The following RGS6 variants were observed in gnomAD, a reference collection of about 807,000 sequenced individuals.
The protein encoded by RGS6 is regulator of G-protein signaling 6.
RGS6 carries 30 observed loss-of-function variants against 78.5 expected under a neutral mutation model. That is an observed-to-expected ratio of 0.38 (90% CI 0.29 to 0.52). The LOEUF (loss-of-function observed/expected upper bound fraction) is 0.52. RGS6 is among the 20% of genes least tolerant of loss of function. The probability of loss-of-function intolerance (pLI) is 0.85; values close to 1 mark genes in which losing one functional copy is unlikely to be tolerated. For synonymous variants in RGS6, 206 were observed against 206.0 expected (o/e 1.00, Z 0.00); for missense variants, 495 against 609.7 (o/e 0.81, Z 1.98).
chr14:72,009,661 C>A (rs775515295), intron 2 of RGS6, among the ~76,000 whole-genome samples: 1 of 152,172 alleles, frequency 6.6e-6, no homozygotes. Context: ...ACCCAGAGCT[C>A]CTGAGCTAGG....
chr14:72,588,011 C>T, the RGS6 span, among the ~76,000 whole-genome samples: 1 of 152,194 alleles, frequency 6.6e-6, no homozygotes, highest in African/African-American at 2.4e-5. Context: ...CTAGCTAGAG[C>T]AGTGGCTGCA....
intron 2 of RGS6, among the ~76,000 whole-genome samples, chr14:72,013,459 A>G (rs2086285075): frequency 6.6e-6 from 1 of 151,994 alleles, no homozygotes; most frequent in African/African-American, 2.4e-5. Flanking sequence ...TGCAAATTTA[A>G]AAGGTAAATA....
intron 2 of RGS6, among the ~76,000 whole-genome samples, chr14:72,263,493 C>A (rs775017728): frequency 9.9e-5 from 14 of 141,968 alleles, no homozygotes; most frequent in Non-Finnish European, 1.4e-4. Flanking sequence ...TTATGCATAC[C>A]TATTGTTGTG....
At chr14:72,104,267 C>CT (rs2095587422) in intron 2 of RGS6, among the ~76,000 whole-genome samples, 2 of 152,202 alleles carry the variant, frequency 1.3e-5, no homozygotes, top group East Asian at 3.8e-4. Flanking sequence ...CCTTTCCTCT[C>CT]TGTCAAAACG....
chr14:72,438,029 T>A (rs992490582), intron 3 of RGS6, among the ~76,000 whole-genome samples: 2 of 149,522 alleles, frequency 1.3e-5, no homozygotes, highest in Non-Finnish European at 3.0e-5. Flanking sequence ...CGGTGTAGAT[T>A]TTTTTGTGAA....
intron 2 of RGS6, among the ~76,000 whole-genome samples, chr14:72,128,534 T>A (rs1393639461): frequency 6.6e-6 from 1 of 151,786 alleles, no homozygotes; most frequent in East Asian, 1.9e-4. Flanking sequence ...TGATAGCATT[T>A]GATTGTGTTG....
chr14:72,518,957 A>T (rs1260267804), intron 15 of RGS6, among the ~76,000 whole-genome samples: 1 of 152,242 alleles, frequency 6.6e-6, no homozygotes, highest in Non-Finnish European at 1.5e-5. Context: ...CTGCTTCCGC[A>T]GTGATCTCCA....
At chr14:72,078,629 G>T (rs1260461647) in intron 2 of RGS6, among the ~76,000 whole-genome samples, 1 of 152,044 alleles carries the variant, frequency 6.6e-6, no homozygotes, top group African/African-American at 2.4e-5. Context: ...CGTTAGCCAG[G>T]CTGGTCTCGA....
chr14:72,293,379 C>T (rs974095398), intron 2 of RGS6, among the ~76,000 whole-genome samples: 5 of 152,130 alleles, frequency 3.3e-5, no homozygotes. Context: ...TAGAACAATT[C>T]GAGGTGCAGG....
chr14:72,304,212 G>T (rs576155951), intron 2 of RGS6, among the ~76,000 whole-genome samples: 1 of 152,334 alleles, frequency 6.6e-6, no homozygotes, highest in South Asian at 2.1e-4. Context: ...GCAAGTGTAT[G>T]TGACTAGTAA....
At chr14:72,591,233 A>G in the RGS6 span, among the ~76,000 whole-genome samples, 1 of 152,246 alleles carries the variant, frequency 6.6e-6, no homozygotes, top group East Asian at 1.9e-4. Context: ...AATTATGTTA[A>G]GAAATACATT....
the RGS6 span, among the ~76,000 whole-genome samples, chr14:71,903,495 G>T: frequency 4.5e-4 from 69 of 152,352 alleles, no homozygotes; most frequent in African/African-American, 7.9e-4. Flanking sequence ...TATCCAGTTT[G>T]CTGGGTTCAG....
At chr14:72,185,534 G>C (rs987952237) in intron 2 of RGS6, among the ~76,000 whole-genome samples, 4 of 152,150 alleles carry the variant, frequency 2.6e-5, no homozygotes, top group Non-Finnish European at 5.9e-5. Flanking sequence ...CAAAATAACA[G>C]TATGACAAAT....
chr14:72,192,984 T>TG (rs954217431), intron 2 of RGS6, among the ~76,000 whole-genome samples: 4 of 151,688 alleles, frequency 2.6e-5, no homozygotes, highest in Admixed American at 2.6e-4. Flanking sequence ...GGTTGGGTTT[T>TG]TTTTTTTTTT....
At chr14:72,420,637 A>G (rs774299893) in intron 3 of RGS6, among the ~76,000 whole-genome samples, 8 of 151,960 alleles carry the variant, frequency 5.3e-5, no homozygotes, top group Admixed American at 3.3e-4. Context: ...TATTTAATTC[A>G]TATTACCTGA....
chr14:72,421,442 A>G (rs1036993901), intron 3 of RGS6: 2 of 152,214 alleles, frequency 1.3e-5, no homozygotes, highest in African/African-American at 2.4e-5. Flanking sequence ...GAGAAGTGGT[A>G]TCACCAAAGT....
At chr14:72,035,306 TAA>T (rs2091525220) in intron 2 of RGS6, among the ~76,000 whole-genome samples, 1 of 5,176 alleles carries the variant, frequency 1.9e-4, no homozygotes, top group Admixed American at 2.4e-3. Context: ...CAATATATTA[TAA>T]TCCTTTTTAT....
chr14:71,870,308 G>A, the RGS6 span, among the ~76,000 whole-genome samples: 2 of 152,164 alleles, frequency 1.3e-5, no homozygotes, highest in African/African-American at 4.8e-5. Flanking sequence ...CTAGAAAGCA[G>A]GAGGAAAATA....
intron 3 of RGS6, among the ~76,000 whole-genome samples, chr14:72,450,657 G>T (rs2095470792): frequency 6.6e-6 from 1 of 152,212 alleles, no homozygotes; most frequent in Admixed American, 6.5e-5. Context: ...AAAGCAGCTT[G>T]ACTAAGATAA....
Sources: gnomAD v4.1 joint callset for allele counts (sites outside exome capture counted in the v4.1 genomes callset) on GRCh38, gnomAD v4.1.1 for gene constraint, MANE v1.5 for transcripts, NCBI Gene and HGNC (gene_info 2026-07-23, HGNC 2026-07-21) for gene names.